Variants in SPACA1 observed in about 807,000 individuals in gnomAD.
SPACA1 encodes the protein sperm acrosome associated 1, also known as sperm acrosome membrane-associated protein 1.
A neutral mutation model predicts 32.6 loss-of-function variants in SPACA1; 17 were observed. The observed-to-expected ratio is 0.52, with a 90% CI of 0.36 to 0.78. The LOEUF is 0.78. SPACA1 is among the 30% of genes least tolerant of loss of function. SPACA1 has a pLI of 0.01. For synonymous variants in SPACA1, 140 were observed against 138.1 expected, an observed-to-expected ratio of 1.01 and a Z score of -0.10; for missense variants, 363 against 373.4, an observed-to-expected ratio of 0.97 and a Z score of 0.23.
intron 1 of SPACA1, among the ~76,000 whole-genome samples, chr6:88,048,782 GC>G (rs1196335110): frequency 3.6e-5 from 1 of 27,868 alleles, no homozygotes; most frequent in African/African-American, 2.8e-4. Flanking sequence ...ACATACATTT[GC>G]TTTTTTTTCT....
chr6:88,050,166 G>A (rs781272999), intron 1 of SPACA1, among the ~76,000 whole-genome samples: 3 of 152,074 alleles, frequency 2.0e-5, no homozygotes, highest in Non-Finnish European at 4.4e-5. Flanking sequence ...GTGCATAAAC[G>A]TTATAAAAAG....
chr6:88,064,202 C>T lies in SPACA1; in HGVS notation c.714C>T (p.Ile238=). ...GTGTATTTATAATTTTCTTATTGAT[C>T]TTCATAATCATAAATTGGTAGGTGA... ...IICVFIIFLL[I]FIIINWAAVK... The change falls in exon 6 of 7, where the codon ATC becomes ATT. Residue 238 remains isoleucine, a synonymous_variant. Coordinates refer to ENST00000237201, the MANE Select transcript of SPACA1 (RefSeq NM_030960.3). 1.9e-6 allele frequency: 3 copies of T among 1,611,276 alleles called. No individual in the cohort carries two copies. Among genetic ancestry groups the T allele is most frequent in the Non-Finnish European group, 2.5e-6 (3 of 1,178,760 alleles).
intron 4 of SPACA1, 132 bp from the exon 5 acceptor site, chr6:88,059,321 C>A: frequency 1.3e-6 from 1 of 767,116 alleles, no homozygotes; most frequent in Non-Finnish European, 2.0e-6. Flanking sequence ...ACTGAAAATC[C>A]ATGTAGATCA....
chr6:88,057,803 G>T, intron 3 of SPACA1, 90 bp downstream of exon 3: 1 of 961,882 alleles, frequency 1.0e-6, no homozygotes, highest in South Asian at 1.4e-5. Context: ...TGAGTAGAAG[G>T]AGGCAACCAG....
At chr6:88,057,363 C>A (rs1775825047) in intron 2 of SPACA1, among the ~76,000 whole-genome samples, 1 of 152,162 alleles carries the variant, frequency 6.6e-6, no homozygotes, top group Non-Finnish European at 1.5e-5. Flanking sequence ...TGTGTATGAT[C>A]ATGGAATCCT....
Position 88,066,234 on chromosome 6 carries a change from T to G in SPACA1, c.784T>G (p.Ser262Ala). The stretch of plus-strand genomic sequence containing the variant: ...AAAAGCCTCTACACCTGAGGTACAA[T>G]CCGAGCAGAGTTCTGTGAGATACAA... The part of the protein sequence containing the change: ...GAKASTPEVQ[S>A]EQSSVRYKDS... The change falls in exon 7 of 7, where the codon TCC (serine) becomes GCC (alanine). Residue 262 changes from serine to alanine, a missense_variant. Transcript: ENST00000237201. The G allele has an allele frequency of 6.2e-7, 1 of 1,612,270 alleles. No individual in the cohort carries two copies. Among genetic ancestry groups the G allele is most frequent in the Non-Finnish European group, 8.5e-7 (1 of 1,178,868 alleles).
chr6:88,057,002 A>C (rs1178147387), intron 2 of SPACA1, among the ~76,000 whole-genome samples: 1 of 152,180 alleles, frequency 6.6e-6, no homozygotes, highest in Non-Finnish European at 1.5e-5. Context: ...TTATGCTAAA[A>C]TGTGATTTTT....
intron 5 of SPACA1, among the ~76,000 whole-genome samples, chr6:88,062,570 A>G (rs1012581513): frequency 2.0e-5 from 3 of 152,172 alleles, no homozygotes; most frequent in African/African-American, 7.2e-5. Flanking sequence ...CAATACTGTA[A>G]TACATACGGT....
rs1269341193 is a variant in SPACA1, at chr6:88,066,317, A to G, written c.867A>G (p.Leu289=). The G allele has an allele frequency of 1.2e-6, 2 of 1,611,186 alleles. No homozygotes were observed. The highest frequency in any genetic ancestry group is 1.7e-6 in the Non-Finnish European group (2 of 1,178,456). The part of the protein sequence containing the change: ...PTEMPGEDDA[L]SEWNE Reference sequence around the variant, plus strand: ...AAATGCCTGGTGAAGATGATGCTTTAAGTGAATGGAATGAATGATGTTTGA... The same window carrying G: ...AAATGCCTGGTGAAGATGATGCTTTGAGTGAATGGAATGAATGATGTTTGA... Residue 289 remains leucine (L), a synonymous_variant, in exon 7 of 7, where the codon TTA becomes TTG. Coordinates refer to ENST00000237201, the MANE Select transcript of SPACA1 (RefSeq NM_030960.3).
chr6:88,047,543 G>C (rs913356353), upstream of SPACA1, among the ~76,000 whole-genome samples: 1 of 152,188 alleles, frequency 6.6e-6, no homozygotes, highest in Admixed American at 6.5e-5. Flanking sequence ...AGGCTGAAGA[G>C]TCGCTCCATA....
intron 6 of SPACA1, 52 bp from the exon 7 acceptor site, chr6:88,066,130 A>G: frequency 6.9e-7 from 1 of 1,449,444 alleles, no homozygotes; most frequent in Admixed American, 2.3e-5. Context: ...AAATCTATTC[A>G]GTTTTAGTTT....
intron 3 of SPACA1, 92 bp downstream of exon 3, chr6:88,057,805 G>A: frequency 2.1e-6 from 2 of 943,568 alleles, no homozygotes; most frequent in South Asian, 1.4e-5. Context: ...AGTAGAAGGA[G>A]GCAACCAGTT....
chr6:88,063,291 T>C (rs1775924305), intron 5 of SPACA1, among the ~76,000 whole-genome samples: 2 of 152,196 alleles, frequency 1.3e-5, no homozygotes, highest in South Asian at 4.1e-4. Context: ...ATTTATAGTA[T>C]CTCACAACTG....
In SPACA1 at chr6:88,047,916, G is replaced by A. The variant is rs1489918658; in HGVS notation, c.11G>A (p.Arg4Lys). The change falls in exon 1 of 7, where the codon AGG becomes AAG. Residue 4 changes from arginine (R) to lysine (K), a missense_variant. Transcript: ENST00000237201. MSP[R>K]GTGCSAGLLM... ...TCGGGGCCGAGAACCATGAGCCCCAGGGGCACGGGCTGCTCCGCCGGGCTG... is the reference window on the plus strand; with the variant it reads ...TCGGGGCCGAGAACCATGAGCCCCAAGGGCACGGGCTGCTCCGCCGGGCTG... The A allele has an allele frequency of 1.9e-6, 3 of 1,555,536 alleles. No individual in the cohort carries two copies. Among genetic ancestry groups the A allele is most frequent in the Non-Finnish European group, 1.7e-6 (2 of 1,150,302 alleles).
intron 1 of SPACA1, among the ~76,000 whole-genome samples, chr6:88,048,642 T>C (rs1775682712): frequency 6.6e-6 from 1 of 152,158 alleles, no homozygotes; most frequent in Admixed American, 6.5e-5. Flanking sequence ...CTCTGCATTG[T>C]GGTGTTTGAT....
At chr6:88,054,139 G>A in intron 2 of SPACA1, 137 bp downstream of exon 2, 1 of 598,536 alleles carries the variant, frequency 1.7e-6, no homozygotes, top group Non-Finnish European at 2.9e-6. Flanking sequence ...TAACTATAAT[G>A]TATACACAAA....
chr6:88,057,889 A>C (rs1478904957), intron 3 of SPACA1, among the ~76,000 whole-genome samples, 176 bp downstream of exon 3: 1 of 152,202 alleles, frequency 6.6e-6, no homozygotes, highest in Non-Finnish European at 1.5e-5. Flanking sequence ...CAACTTTCTG[A>C]TTTTGCTTCA....
At chr6:88,049,702 A>G (rs1775700385) in intron 1 of SPACA1, among the ~76,000 whole-genome samples, 1 of 152,208 alleles carries the variant, frequency 6.6e-6, no homozygotes, top group African/African-American at 2.4e-5. Flanking sequence ...TTCAAGAAGA[A>G]TTTAAACATG....
At chr6:88,052,519 T>TTGGG (rs755808839) in intron 1 of SPACA1, among the ~76,000 whole-genome samples, 6 of 152,280 alleles carry the variant, frequency 3.9e-5, no homozygotes, top group Admixed American at 1.3e-4. Context: ...CTTATGTGCA[T>TTGGG]TGGGTGCTTA....
Sources: gnomAD v4.1 joint callset for allele counts (sites outside exome capture counted in the v4.1 genomes callset) on GRCh38, gnomAD v4.1.1 for gene constraint, MANE v1.5 for transcripts, NCBI Gene and HGNC (gene_info 2026-07-23, HGNC 2026-07-21) for gene names.